Variants in VAC14 observed in about 807,000 individuals in gnomAD.
VAC14 encodes the protein protein VAC14 homolog.
A neutral mutation model predicts 85.3 loss-of-function variants in VAC14; 47 were observed. That is an observed-to-expected ratio of 0.55 (90% CI 0.44 to 0.70). The LOEUF is 0.70. VAC14 is among the 30% of genes least tolerant of loss of function. The pLI is 0.00. For synonymous variants in VAC14, 447 were observed against 430.5 expected (o/e 1.04, Z -0.47); for missense variants, 861 against 1,004.3 (o/e 0.86, Z 1.93).
chr16:70,781,774 T>C, intron 8 of VAC14, 95 bp downstream of exon 8: 2 of 1,511,516 alleles, frequency 1.3e-6, no homozygotes, highest in Non-Finnish European at 1.8e-6. Flanking sequence ...GTGTGATGGA[T>C]CCTAAGAGAG....
At position 70,790,660 on chromosome 16, in the gene VAC14, C is replaced by T. The variant is rs184218429; in HGVS notation, c.105-4295G>A. ...AGGCAAGGGGGATTTCTGTGCTGGG[C>T]GTTCCCTCCCCACCCCCTCACCTTT... is the stretch of plus-strand genomic sequence containing the variant. On this transcript the variant is annotated intron_variant, in intron 1 of 18. Transcript: ENST00000261776. Among the ~76,000 whole-genome samples, 8 of 152,240 alleles carry T rather than the reference C, an allele frequency of 5.3e-5. No homozygotes were observed. In the East Asian group the frequency reaches 1.2e-3, roughly 22 times the overall value.
rs371815649 is a variant in VAC14 at position 70,800,787 on chromosome 16, C to A, written c.104+10G>T. 275 of 1,608,554 alleles carry A rather than the reference C, an allele frequency of 1.7e-4. 1 individual carries two copies. The highest frequency in any genetic ancestry group is 6.6e-4 in the Middle Eastern group (4 of 6,068). ...CTGCATAGCCAGGGAGGGGTCCTGGCGGCTCTTACTTCTCGATCTCCAGCG... is the reference window on the plus strand; with the variant it reads ...CTGCATAGCCAGGGAGGGGTCCTGGAGGCTCTTACTTCTCGATCTCCAGCG... On this transcript the variant is annotated intron_variant, in intron 1 of 18. Transcript: ENST00000261776.
chr16:70,700,126 G>C (rs2053794924), intron 14 of VAC14: 1 of 152,200 alleles, frequency 6.6e-6, no homozygotes, highest in South Asian at 2.1e-4. Context: ...CTGAACGCCA[G>C]CCATGGCTCT....
At chr16:70,746,533 C>G (rs927881786) in intron 12 of VAC14, among the ~76,000 whole-genome samples, 1 of 152,208 alleles carries the variant, frequency 6.6e-6, no homozygotes, top group Admixed American at 6.5e-5. Flanking sequence ...GGCTGCCACA[C>G]AGCCCAGTCA....
intron 1 of VAC14, among the ~76,000 whole-genome samples, chr16:70,796,592 C>T (rs74024458): frequency 2.0e-5 from 3 of 152,164 alleles, no homozygotes; most frequent in Non-Finnish European, 4.4e-5. Flanking sequence ...CCTCAAGGAG[C>T]CTGTTTCCTC....
chr16:70,737,931 T>C (rs1037341881), intron 13 of VAC14, among the ~76,000 whole-genome samples: 3 of 152,016 alleles, frequency 2.0e-5, no homozygotes, highest in African/African-American at 7.3e-5. Flanking sequence ...CCTGCTGGGG[T>C]TGGGGTCCAT....
intron 12 of VAC14, among the ~76,000 whole-genome samples, chr16:70,749,655 T>C (rs2031216965): frequency 6.6e-6 from 1 of 152,172 alleles, no homozygotes; most frequent in South Asian, 2.1e-4. Context: ...CTCAGTCTCC[T>C]AGAGGTGAGG....
intron 13 of VAC14, among the ~76,000 whole-genome samples, chr16:70,743,117 C>A (rs1369356136): frequency 6.6e-6 from 1 of 152,088 alleles, no homozygotes; most frequent in African/African-American, 2.4e-5. Flanking sequence ...GACTCTGTGT[C>A]TAGCTAAAGG....
intron 10 of VAC14, among the ~76,000 whole-genome samples, chr16:70,766,156 GAAAAAAAA>G: frequency 1.1e-5 from 1 of 94,586 alleles, no homozygotes; most frequent in Admixed American, 1.2e-4. Flanking sequence ...TGTCCCAAAA[GAAAAAAAA>G]AAAAAAAAGA....
rs2143385283 is a variant in VAC14, at chr16:70,800,720, G to A, written c.104+77C>T. 6.1e-6 allele frequency: 8 copies of A among 1,304,162 alleles called. 1 individual carries two copies. In the South Asian group the frequency reaches 8.5e-5, roughly 14 times the overall value. The allele number at this position is 1,304,162 out of a possible 1,614,324, so 80.8% of individuals were successfully genotyped here. On this transcript the variant is annotated intron_variant, in intron 1 of 18. Transcript: ENST00000261776. Reference sequence around the variant, plus strand: ...AACCTGGGAAAGTAACCCTGGCTGGGAAGGCGTGAGAAGTCCCCCTGGGGA... The same window carrying A: ...AACCTGGGAAAGTAACCCTGGCTGGAAAGGCGTGAGAAGTCCCCCTGGGGA...
At chr16:70,792,671 A>C (rs1417615943) in intron 1 of VAC14, among the ~76,000 whole-genome samples, 1 of 152,108 alleles carries the variant, frequency 6.6e-6, no homozygotes, top group Non-Finnish European at 1.5e-5. Flanking sequence ...CTGACAGGAG[A>C]AGCAGCCATG....
At position 70,786,254 on chromosome 16, in the gene VAC14, G is replaced by T; in HGVS notation, c.216C>A (p.Gly72=). Reference sequence around the variant, plus strand: ...TGGAGCAGGCGGCCAGGCCGATGAGGCCCCCTTTCCGGCTGTGGGGGTGCT... The same window carrying T: ...TGGAGCAGGCGGCCAGGCCGATGAGTCCCCCTTTCCGGCTGTGGGGGTGCT... ...LSQHPHSRKG[G]LIGLAACSIA... is the part of the protein sequence containing the mutation. The change falls in exon 2 of 19, where the codon GGC becomes GGA. Residue 72 remains glycine, a synonymous_variant. Coordinates refer to ENST00000261776, the MANE Select transcript of VAC14 (RefSeq NM_018052.5). 6.2e-7 allele frequency: 1 copy of T among 1,614,238 alleles called. No homozygotes were observed. Among genetic ancestry groups the T allele is most frequent in the Non-Finnish European group, 8.5e-7 (1 of 1,180,048 alleles).
chr16:70,777,156 G>A (rs914145066), intron 9 of VAC14, among the ~76,000 whole-genome samples: 1 of 151,972 alleles, frequency 6.6e-6, no homozygotes, highest in African/African-American at 2.4e-5. Flanking sequence ...TGTTGGCCAG[G>A]CTGGTCTCGA....
intron 14 of VAC14, among the ~76,000 whole-genome samples, chr16:70,699,060 A>G (rs918742690): frequency 6.6e-6 from 1 of 152,140 alleles, no homozygotes; most frequent in African/African-American, 2.4e-5. Context: ...GCCCCACGCT[A>G]TATTAATCTC....
At chr16:70,695,718 G>T (rs2053693333) in intron 16 of VAC14, 95 bp from the exon 17 acceptor site, 1 of 1,206,542 alleles carries the variant, frequency 8.3e-7, no homozygotes, top group Non-Finnish European at 1.2e-6. Context: ...GGCTTCCTGT[G>T]CACAGAGCCT....
At chr16:70,688,170 G>T (rs2053534298) in intron 18 of VAC14, 80 bp from the exon 19 acceptor site, 5 of 1,389,138 alleles carry the variant, frequency 3.6e-6, no homozygotes, top group African/African-American at 1.5e-5. Context: ...TGGGGTCAGA[G>T]GCAGAGCCAC....
At chr16:70,730,160 T>C (rs937740644) in intron 14 of VAC14, among the ~76,000 whole-genome samples, 4 of 151,818 alleles carry the variant, frequency 2.6e-5, no homozygotes, top group Non-Finnish European at 5.9e-5. Context: ...CATTCTCGAA[T>C]CCGGCTGCAG....
chr16:70,695,700 C>A, intron 16 of VAC14, 77 bp from the exon 17 acceptor site: 1 of 1,403,416 alleles, frequency 7.1e-7, no homozygotes, highest in Non-Finnish European at 1.0e-6. Flanking sequence ...CCCTCCCCCC[C>A]TGCACCTGGC....
rs1451573259 is a variant in VAC14 at position 70,713,597 on chromosome 16, C to T, written c.1662-14786G>A. Among the ~76,000 whole-genome samples, 3 of 152,202 alleles carry T rather than the reference C, an allele frequency of 2.0e-5. No individual in the cohort carries two copies. The East Asian group carries it at 5.8e-4, about 29-fold the overall frequency. On this transcript the variant is annotated intron_variant, in intron 14 of 18. Transcript: ENST00000261776. ...TGAAATCTTAGGGAGGCACCTTCCCCAGAGGCCACACCACTGTGAGTCAGA... is the reference window on the plus strand; with the variant it reads ...TGAAATCTTAGGGAGGCACCTTCCCTAGAGGCCACACCACTGTGAGTCAGA...
Sources: allele counts gnomAD v4.1 joint callset (sites outside exome capture counted in the v4.1 genomes callset), GRCh38; gene constraint gnomAD v4.1.1; transcripts MANE v1.5; gene names NCBI Gene and HGNC (gene_info 2026-07-23, HGNC 2026-07-21).